The following NCAM2 variants were observed in gnomAD, a reference collection of about 807,000 sequenced individuals.
NCAM2 encodes the protein N-CAM-2.
NCAM2 carries 30 observed loss-of-function variants against 98.1 expected under a neutral mutation model. That is an observed-to-expected ratio of 0.31 (90% CI 0.23 to 0.41). NCAM2 has a LOEUF of 0.41. Ranked by LOEUF, NCAM2 falls within the 10% of genes least tolerant of loss-of-function variation. NCAM2 has a pLI of 1.00. For synonymous variants in NCAM2, 368 were observed against 342.4 expected (o/e 1.07, Z -0.83); for missense variants, 867 against 1,005.8 (o/e 0.86, Z 1.87).
At chr21:21,250,837 A>C (rs1276461631) in intron 1 of NCAM2, among the ~76,000 whole-genome samples, 2 of 152,250 alleles carry the variant, frequency 1.3e-5, no homozygotes, top group African/African-American at 2.4e-5. Flanking sequence ...AATATGTAGA[A>C]TAAGTATTTA....
chr21:21,199,919 T>G (rs1369505897), intron 1 of NCAM2, among the ~76,000 whole-genome samples: 1 of 151,976 alleles, frequency 6.6e-6, no homozygotes, highest in Non-Finnish European at 1.5e-5. Flanking sequence ...ATACAATGGC[T>G]TACACACTCT....
chr21:21,322,620 G>A (rs1357723413), intron 5 of NCAM2, among the ~76,000 whole-genome samples: 2 of 152,144 alleles, frequency 1.3e-5, no homozygotes, highest in Admixed American at 6.6e-5. Context: ...GTGCTTGAGT[G>A]GAGTTAGTTT....
At chr21:21,489,603 A>G (rs932946316) in intron 15 of NCAM2, among the ~76,000 whole-genome samples, 4 of 152,158 alleles carry the variant, frequency 2.6e-5, no homozygotes, top group African/African-American at 4.8e-5. Context: ...CAGCAAATCT[A>G]ATATATTGGA....
At chr21:21,474,428 G>A (rs1364477921) in intron 14 of NCAM2, among the ~76,000 whole-genome samples, 3 of 151,900 alleles carry the variant, frequency 2.0e-5, no homozygotes, top group South Asian at 2.1e-4. Context: ...CACCTTAAAT[G>A]TCTAATTTCC....
At chr21:21,485,531 G>A (rs974766641) in intron 15 of NCAM2, among the ~76,000 whole-genome samples, 1 of 152,132 alleles carries the variant, frequency 6.6e-6, no homozygotes. Flanking sequence ...ATTTGAGGGA[G>A]TAGCATGAAG....
chr21:21,394,638 G>T (rs985213558), intron 9 of NCAM2, among the ~76,000 whole-genome samples: 4 of 151,446 alleles, frequency 2.6e-5, no homozygotes. Flanking sequence ...ACAGGTGCCC[G>T]CCACCACACC....
chr21:21,332,010 C>G (rs544860013), intron 6 of NCAM2, among the ~76,000 whole-genome samples: 4 of 152,116 alleles, frequency 2.6e-5, no homozygotes, highest in East Asian at 1.9e-4. Flanking sequence ...TCAAGTGATT[C>G]TCTTGCTTCA....
chr21:21,536,814 C>T (rs1990007917), intron 17 of NCAM2, among the ~76,000 whole-genome samples: 1 of 152,132 alleles, frequency 6.6e-6, no homozygotes, highest in South Asian at 2.1e-4. Flanking sequence ...TTAGGAAAAT[C>T]TTGAAAGCAC....
At chr21:21,190,771 C>G (rs939805074) in intron 1 of NCAM2, among the ~76,000 whole-genome samples, 9 of 152,098 alleles carry the variant, frequency 5.9e-5, no homozygotes, top group Non-Finnish European at 5.9e-5. Context: ...TTCTTGGTGC[C>G]TTAATTTTCT....
intron 1 of NCAM2, among the ~76,000 whole-genome samples, chr21:21,029,381 C>G (rs1157919929): frequency 6.6e-6 from 1 of 152,070 alleles, no homozygotes; most frequent in Non-Finnish European, 1.5e-5. Flanking sequence ...CTATTTGTGA[C>G]CAGAATGGCA....
chr21:21,535,130 A>G (rs1989915055), intron 17 of NCAM2, among the ~76,000 whole-genome samples: 1 of 152,122 alleles, frequency 6.6e-6, no homozygotes, highest in Non-Finnish European at 1.5e-5. Flanking sequence ...TATCATTGCA[A>G]TATCTATGTA....
At position 21,453,037 on chromosome 21, in the gene NCAM2, AT is replaced by A. The variant is rs1488322161; in HGVS notation, c.1655-13568del. 5.8e-4 allele frequency among the ~76,000 whole-genome samples: 69 copies of A among 119,882 alleles called. 1 individual carries two copies. The highest frequency in any genetic ancestry group is 6.9e-4 in the Non-Finnish European group (43 of 62,102). The allele number at this position is 119,882 out of a possible 152,430, so 78.6% of individuals were successfully genotyped here. The stretch of plus-strand genomic sequence containing the variant: ...TAAAAATATATAATATATAAAAATA[AT>A]ATATACATATATAAAAATATAAATA... On this transcript the variant is annotated intron_variant, in intron 12 of 17. Coordinates refer to ENST00000400546, the MANE Select transcript of NCAM2 (RefSeq NM_004540.5).
chr21:21,537,933 A>G lies in NCAM2; in HGVS notation c.2490A>G (p.Ser830=), dbSNP rs1353949518. The change falls in exon 18 of 18, where the codon TCA becomes TCG. Residue 830 remains serine (S), a synonymous_variant. Coordinates refer to ENST00000400546, the MANE Select transcript of NCAM2 (RefSeq NM_004540.5). ...EIKVSNDIIQ[S]KEDDSKA ...AAGTTTCTAACGACATCATTCAATCAAAAGAAGACGACAGCAAAGCATAAC... is the reference window on the plus strand; with the variant it reads ...AAGTTTCTAACGACATCATTCAATCGAAAGAAGACGACAGCAAAGCATAAC... 1.9e-6 allele frequency: 3 copies of G among 1,566,454 alleles called. No individual in the cohort carries two copies. The highest frequency in any genetic ancestry group is 2.6e-6 in the Non-Finnish European group (3 of 1,152,952).
intron 1 of NCAM2, among the ~76,000 whole-genome samples, chr21:21,271,596 G>T (rs999369257): frequency 2.0e-5 from 3 of 152,088 alleles, no homozygotes; most frequent in Non-Finnish European, 4.4e-5. Flanking sequence ...AAGTATTACA[G>T]AATTTTAGAA....
chr21:21,162,499 T>C (rs1308235313), intron 1 of NCAM2, among the ~76,000 whole-genome samples: 1 of 152,116 alleles, frequency 6.6e-6, no homozygotes, highest in Non-Finnish European at 1.5e-5. Flanking sequence ...GCATAAAATA[T>C]ATATCACAAT....
intron 7 of NCAM2, among the ~76,000 whole-genome samples, chr21:21,335,969 C>T (rs1171298561): frequency 6.6e-6 from 1 of 151,998 alleles, no homozygotes; most frequent in South Asian, 2.1e-4. Flanking sequence ...CTCTAAATGA[C>T]ACATGTTAGG....
intron 1 of NCAM2, among the ~76,000 whole-genome samples, chr21:21,051,049 C>A (rs2065098446): frequency 6.6e-6 from 1 of 152,162 alleles, no homozygotes; most frequent in African/African-American, 2.4e-5. Context: ...GTGCAAATAA[C>A]CCTTCAATAA....
chr21:21,341,707 T>TA (rs1266656526), intron 8 of NCAM2, among the ~76,000 whole-genome samples: 1 of 84,622 alleles, frequency 1.2e-5, no homozygotes, highest in African/African-American at 3.8e-5. Context: ...TTAACAATAT[T>TA]CTTTTTTTTT....
intron 1 of NCAM2, among the ~76,000 whole-genome samples, chr21:21,052,313 G>A (rs560797439): frequency 1.9e-3 from 289 of 151,992 alleles, no homozygotes; most frequent in Admixed American, 3.7e-3. Context: ...ACAGGCGCCC[G>A]CCACCACGCC....
Sources: gnomAD v4.1 joint callset for allele counts (sites outside exome capture counted in the v4.1 genomes callset) on GRCh38, gnomAD v4.1.1 for gene constraint, MANE v1.5 for transcripts, NCBI Gene and HGNC (gene_info 2026-07-23, HGNC 2026-07-21) for gene names.